Variants in MGAT4C observed in about 807,000 individuals in gnomAD.
MGAT4C encodes alpha-1,3-mannosyl-glycoprotein 4-beta-N-acetylglucosaminyltransferase C.
Under a neutral mutation model 40.1 loss-of-function variants are expected in MGAT4C, and 19 were observed. The ratio of observed to expected loss-of-function variants is 0.47; its 90% confidence interval spans 0.33 to 0.70. The LOEUF (loss-of-function observed/expected upper bound fraction) is 0.70, where lower values mean the gene tolerates loss of function less well. MGAT4C is among the 30% of genes least tolerant of loss of function. The probability of loss-of-function intolerance (pLI) is 0.02; values close to 1 mark genes in which losing one functional copy is unlikely to be tolerated. For synonymous variants in MGAT4C, 181 were observed against 187.1 expected, an observed-to-expected ratio of 0.97 and a Z score of 0.27; for missense variants, 491 against 563.2, an observed-to-expected ratio of 0.87 and a Z score of 1.30.
At chr12:86,028,570 CA>C (rs1260357801) in intron 2 of MGAT4C, among the ~76,000 whole-genome samples, 2 of 151,890 alleles carry the variant, frequency 1.3e-5, no homozygotes, top group African/African-American at 4.8e-5. Context: ...TGTTCCCTAA[CA>C]GTTTTGATTA....
intron 1 of MGAT4C, among the ~76,000 whole-genome samples, chr12:86,818,152 C>T (rs1478436598): frequency 2.0e-5 from 3 of 151,188 alleles, no homozygotes; most frequent in Non-Finnish European, 4.5e-5. Context: ...TAAAGATACA[C>T]TCTTTAAGTT....
Position 85,971,443 on chromosome 12 carries a change from G to A in MGAT4C, c.*7846C>T, listed in dbSNP as rs1883620324. ...GACACTTATATTTTGTATCACTTTT[G>A]TAGCAAACACATGACTCATCATTGC... On this transcript the variant is annotated 3_prime_UTR_variant, in exon 5 of 5. Transcript: ENST00000611864. The A allele has an allele frequency of 6.6e-6, 1 of 151,192 alleles. No homozygotes were observed. The highest frequency in any genetic ancestry group is 2.4e-5 in the African/African-American group (1 of 41,342). 9.4% of individuals were successfully genotyped at this position (151,192 alleles called of 1,614,324 possible). A position where few individuals can be genotyped will look rare whatever the true frequency, so the allele number is the denominator to read the frequency against.
intron 3 of MGAT4C, among the ~76,000 whole-genome samples, chr12:86,392,513 G>C (rs1311905666): frequency 6.6e-6 from 1 of 152,004 alleles, no homozygotes; most frequent in African/African-American, 2.4e-5. Flanking sequence ...AGAAGAATTA[G>C]GTACTGTCAA....
chr12:86,166,731 G>A (rs536128954), intron 1 of MGAT4C, among the ~76,000 whole-genome samples: 6 of 152,172 alleles, frequency 3.9e-5, no homozygotes, highest in South Asian at 2.1e-4. Context: ...GTAACAATAC[G>A]TGAAAATCTA....
At chr12:86,356,179 A>C (rs2136196365) in intron 3 of MGAT4C, among the ~76,000 whole-genome samples, 1 of 152,356 alleles carries the variant, frequency 6.6e-6, no homozygotes, top group African/African-American at 2.4e-5. Context: ...ATTTTGAAAG[A>C]ATCCAAGAAA....
At chr12:86,414,514 A>G (rs772728643) in intron 3 of MGAT4C, among the ~76,000 whole-genome samples, 1 of 152,174 alleles carries the variant, frequency 6.6e-6, no homozygotes, top group Non-Finnish European at 1.5e-5. Context: ...TTTAGACAAT[A>G]TATGAGTTGT....
At position 86,793,442 on chromosome 12, in the gene MGAT4C, TTTAA is replaced by T. The variant is rs1346699489; in HGVS notation, c.-262+45220_-262+45223del. 1.2e-4 allele frequency among the ~76,000 whole-genome samples: 19 copies of T among 152,242 alleles called. 1 individual carries two copies. In the East Asian group the frequency reaches 3.5e-3, roughly 28 times the overall value. On this transcript the variant is annotated intron_variant, in intron 1 of 7. Coordinates refer to the MGAT4C transcript ENST00000548651. Reference sequence around the variant, plus strand: ...ATCCTGGGTTTTAGAAATATTTTTATTTAATTTTCACTTTGTTTATATTTATTTT... The same window carrying T: ...ATCCTGGGTTTTAGAAATATTTTTATTTTTCACTTTGTTTATATTTATTTT...
intron 3 of MGAT4C, among the ~76,000 whole-genome samples, chr12:86,420,813 G>A (rs1463540096): frequency 6.8e-6 from 1 of 147,014 alleles, no homozygotes; most frequent in Non-Finnish European, 1.5e-5. Context: ...ACATATATAT[G>A]TGTGTGTGTG....
chr12:86,529,293 C>T (rs905370053), intron 2 of MGAT4C, among the ~76,000 whole-genome samples: 5 of 152,022 alleles, frequency 3.3e-5, no homozygotes, highest in African/African-American at 9.7e-5. Context: ...TCACTCTTAT[C>T]TTTGGGTATG....
intron 1 of MGAT4C, among the ~76,000 whole-genome samples, chr12:86,079,966 C>T (rs1197984907): frequency 6.6e-6 from 1 of 151,860 alleles, no homozygotes; most frequent in Non-Finnish European, 1.5e-5. Context: ...CTGTCACCTT[C>T]TTTCCATTTT....
At chr12:86,540,994 T>C (rs1476405707) in intron 2 of MGAT4C, among the ~76,000 whole-genome samples, 3 of 152,150 alleles carry the variant, frequency 2.0e-5, no homozygotes, top group Non-Finnish European at 2.9e-5. Flanking sequence ...TTACCATACA[T>C]ACTCAAAGCA....
intron 2 of MGAT4C, among the ~76,000 whole-genome samples, chr12:86,494,679 GAT>G (rs1958206985): frequency 6.6e-6 from 1 of 151,064 alleles, no homozygotes. Flanking sequence ...CAAATGTAGA[GAT>G]AGGGAAAAAT....
In MGAT4C at chr12:85,959,442, TA is replaced by T. The variant is rs756616729; in HGVS notation, c.*19846del. 2 of 152,130 alleles carry T rather than the reference TA, an allele frequency of 1.3e-5. No homozygotes were observed. Among genetic ancestry groups the T allele is most frequent in the Non-Finnish European group, 2.9e-5 (2 of 67,978 alleles). 9.4% of individuals were successfully genotyped at this position (152,130 alleles called of 1,614,324 possible). ...CCCCTTTCTCTCTCTTTCTCTTTTT[TA>T]TTTTTGCCATTTCTTCTCAGGAGCC... On this transcript the variant is annotated 3_prime_UTR_variant, in exon 5 of 5. Coordinates refer to ENST00000611864, the MANE Select transcript of MGAT4C (RefSeq NM_001351288.2).
At chr12:86,527,535 C>G (rs1958905806) in intron 2 of MGAT4C, among the ~76,000 whole-genome samples, 1 of 152,028 alleles carries the variant, frequency 6.6e-6, no homozygotes, top group African/African-American at 2.4e-5. Flanking sequence ...TGAAGAATGT[C>G]ACCAGTGATT....
At chr12:86,048,326 G>A (rs1892596533) in intron 2 of MGAT4C, among the ~76,000 whole-genome samples, 1 of 152,024 alleles carries the variant, frequency 6.6e-6, no homozygotes, top group Non-Finnish European at 1.5e-5. Context: ...GAGTGTGGGA[G>A]GGAGGGAGTG....
chr12:86,229,476 T>C (rs1196875902), intron 1 of MGAT4C, among the ~76,000 whole-genome samples: 1 of 151,988 alleles, frequency 6.6e-6, no homozygotes, highest in Non-Finnish European at 1.5e-5. Context: ...AATTGGAAAT[T>C]GGAGACAAAG....
At chr12:86,308,200 T>C (rs1461859984) in intron 4 of MGAT4C, among the ~76,000 whole-genome samples, 1 of 150,666 alleles carries the variant, frequency 6.6e-6, no homozygotes, top group Non-Finnish European at 1.5e-5. Context: ...TACAGGACTT[T>C]TGAACATCTT....
intron 1 of MGAT4C, among the ~76,000 whole-genome samples, chr12:86,819,993 C>T (rs1025258548): frequency 1.3e-5 from 2 of 150,438 alleles, no homozygotes; most frequent in African/African-American, 4.9e-5. Flanking sequence ...GAAGATTAGG[C>T]TATAATGGGA....
rs1276259963 is a variant in MGAT4C at position 85,963,712 on chromosome 12, A to C, written c.*15577T>G. The C allele has an allele frequency of 6.6e-6, 1 of 151,978 alleles. No homozygotes were observed. The highest frequency in any genetic ancestry group is 1.5e-5 in the Non-Finnish European group (1 of 67,920). 9.4% of individuals were successfully genotyped at this position (151,978 alleles called of 1,614,324 possible). On this transcript the variant is annotated 3_prime_UTR_variant, in exon 5 of 5. Transcript: ENST00000611864. ...TTTAATGGCACAGATAATATAATTCAAATCATGACCCCAGGGCTGATGAAG... is the reference window on the plus strand; with the variant it reads ...TTTAATGGCACAGATAATATAATTCCAATCATGACCCCAGGGCTGATGAAG...
Sources: gnomAD v4.1 joint callset for allele counts (sites outside exome capture counted in the v4.1 genomes callset) on GRCh38, gnomAD v4.1.1 for gene constraint, MANE v1.5 for transcripts, NCBI Gene and HGNC (gene_info 2026-07-23, HGNC 2026-07-21) for gene names.